The following ROBO1 variants were observed in gnomAD, a reference collection of about 807,000 sequenced individuals.
The protein encoded by ROBO1 is roundabout homolog 1.
In ROBO1, 149 loss-of-function variants were observed where a neutral mutation model predicts 195.9. That is an observed-to-expected ratio of 0.76 (90% CI 0.67 to 0.87). The LOEUF (loss-of-function observed/expected upper bound fraction) is 0.87. Ranked by LOEUF, ROBO1 falls within the 40% of genes least tolerant of loss-of-function variation. The probability of loss-of-function intolerance (pLI) is 0.00; values close to 1 mark genes in which losing one functional copy is unlikely to be tolerated. For missense variants in ROBO1, 1,933 were observed against 2,068.3 expected (o/e 0.93, Z 1.27); for synonymous variants, 816 against 733.2 (o/e 1.11, Z -1.82).
Position 78,758,463 on chromosome 3 carries a change from CTTCAG to C in ROBO1, c.500-11568_500-11564del, listed in dbSNP as rs2082999187. Reference sequence around the variant, plus strand: ...TGCTTGAGCCCAGAGGTCAAGAAGGCTTCAGTGAGCCATGGTCATGCCACTTCACT... The same window carrying C: ...TGCTTGAGCCCAGAGGTCAAGAAGGCTGAGCCATGGTCATGCCACTTCACT... On this transcript the variant is annotated intron_variant, in intron 4 of 30. Coordinates refer to ENST00000464233, the MANE Select transcript of ROBO1 (RefSeq NM_002941.4). Among the ~76,000 whole-genome samples the C allele has an allele frequency of 2.8e-5, 4 of 141,142 alleles. No individual in the cohort carries two copies. The Admixed American group carries it at 3.0e-4, about 11-fold the overall frequency. 92.6% of individuals were successfully genotyped at this position (141,142 alleles called of 152,430 possible).
intron 5 of ROBO1, among the ~76,000 whole-genome samples, chr3:78,729,552 C>T (rs2082241036): frequency 6.6e-6 from 1 of 152,090 alleles, no homozygotes; most frequent in African/African-American, 2.4e-5. Context: ...AAGCAATCAA[C>T]CAGGAAAGCC....
At chr3:79,277,578 A>G (rs2031146013) in intron 2 of ROBO1, among the ~76,000 whole-genome samples, 2 of 152,208 alleles carry the variant, frequency 1.3e-5, no homozygotes, top group Admixed American at 1.3e-4. Flanking sequence ...AAGTGACTTC[A>G]GTCAACAATA....
At chr3:78,885,601 G>A (rs2036513077) in intron 4 of ROBO1, among the ~76,000 whole-genome samples, 1 of 151,182 alleles carries the variant, frequency 6.6e-6, no homozygotes, top group Admixed American at 6.6e-5. Context: ...ATATATTTAT[G>A]TGCCAGGGAA....
chr3:79,348,357 A>C (rs1032377659), intron 2 of ROBO1, among the ~76,000 whole-genome samples: 1 of 152,166 alleles, frequency 6.6e-6, no homozygotes, highest in Non-Finnish European at 1.5e-5. Flanking sequence ...GATCATGGCC[A>C]AAGTTGATGG....
intron 2 of ROBO1, among the ~76,000 whole-genome samples, chr3:79,179,167 GAA>G (rs1426238113): frequency 6.6e-6 from 1 of 152,128 alleles, no homozygotes; most frequent in South Asian, 2.1e-4. Flanking sequence ...CATCCTCTTA[GAA>G]GCAGGAATAG....
intron 2 of ROBO1, among the ~76,000 whole-genome samples, chr3:79,311,321 T>C (rs1271525237): frequency 1.3e-5 from 2 of 152,194 alleles, no homozygotes; most frequent in Non-Finnish European, 2.9e-5. Context: ...TGAAGCAATA[T>C]TCTATATCAT....
chr3:79,479,724 CTTTAG>C (rs1166675257), intron 2 of ROBO1, among the ~76,000 whole-genome samples: 1 of 152,138 alleles, frequency 6.6e-6, no homozygotes, highest in Non-Finnish European at 1.5e-5. Context: ...ATTCCTATTA[CTTTAG>C]TTAACAGGAT....
In ROBO1 at chr3:79,539,785, C is replaced by T. The variant is rs548005140; in HGVS notation, c.88+50039G>A. Among the ~76,000 whole-genome samples, 5 of 152,082 alleles carry T rather than the reference C, an allele frequency of 3.3e-5. No homozygotes were observed. In the East Asian group the frequency reaches 9.7e-4, roughly 29 times the overall value. ...TCATGCTTAAGAAGAAGATAAAAATCCTCCATAACACATATGCCCAATCAT... is the reference window on the plus strand; with the variant it reads ...TCATGCTTAAGAAGAAGATAAAAATTCTCCATAACACATATGCCCAATCAT... On this transcript the variant is annotated intron_variant, in intron 2 of 30. Transcript: ENST00000464233.
At chr3:79,727,566 C>T (rs182555430) in intron 1 of ROBO1, among the ~76,000 whole-genome samples, 6 of 152,046 alleles carry the variant, frequency 3.9e-5, no homozygotes, top group African/African-American at 1.4e-4. Context: ...TGAATTGAAA[C>T]CATGAGTGTT....
At chr3:79,019,140 A>T in intron 3 of ROBO1, 1 of 986,128 alleles carries the variant, frequency 1.0e-6, no homozygotes, top group Non-Finnish European at 1.2e-6. Flanking sequence ...CAGCAGCAGG[A>T]CCGCGGACAC....
At chr3:79,616,562 T>C (rs1021724023) in intron 1 of ROBO1, among the ~76,000 whole-genome samples, 1 of 152,032 alleles carries the variant, frequency 6.6e-6, no homozygotes, top group Non-Finnish European at 1.5e-5. Flanking sequence ...GAGAGCCCCC[T>C]TTTTGTGACC....
chr3:78,705,206 TA>T (rs954518740), intron 8 of ROBO1, among the ~76,000 whole-genome samples: 4 of 152,224 alleles, frequency 2.6e-5, no homozygotes, highest in African/African-American at 9.6e-5. Context: ...TAATCAGCTA[TA>T]AAAAATGTCA....
chr3:78,681,786 C>G (rs1447482551), intron 10 of ROBO1, among the ~76,000 whole-genome samples: 3 of 152,118 alleles, frequency 2.0e-5, no homozygotes, highest in Non-Finnish European at 4.4e-5. Context: ...CCTGCAGTCC[C>G]AGCTACTCGA....
intron 3 of ROBO1, among the ~76,000 whole-genome samples, chr3:79,028,755 C>T (rs1460358238): frequency 6.6e-6 from 1 of 151,850 alleles, no homozygotes; most frequent in African/African-American, 2.4e-5. Context: ...AATATTAACA[C>T]CTAAATTTCC....
intron 1 of ROBO1, among the ~76,000 whole-genome samples, chr3:79,732,281 A>T (rs1029193214): frequency 2.6e-5 from 4 of 152,044 alleles, no homozygotes; most frequent in Admixed American, 6.5e-5. Context: ...ACAATATTTA[A>T]AATTTGAGAC....
chr3:78,931,135 T>A (rs1487498537), intron 4 of ROBO1, among the ~76,000 whole-genome samples: 1 of 151,464 alleles, frequency 6.6e-6, no homozygotes, highest in East Asian at 1.9e-4. Context: ...GAAGTTACTT[T>A]AAAAAAAAAT....
At chr3:79,171,413 C>CAAAAAAAAAAAAAAAAAAAAAAAA (rs34894151) in intron 2 of ROBO1, among the ~76,000 whole-genome samples, 1 of 65,852 alleles carries the variant, frequency 1.5e-5, no homozygotes, top group South Asian at 5.5e-4. Context: ...ATGAAAATTG[C>CAAAAAAAAAAAAAAAAAAAAAAAA]AAAAAAAAAA....
At chr3:78,943,883 C>G (rs2040272545) in intron 3 of ROBO1, among the ~76,000 whole-genome samples, 1 of 152,148 alleles carries the variant, frequency 6.6e-6, no homozygotes, top group South Asian at 2.1e-4. Flanking sequence ...GTATAACCTT[C>G]AGGAAAAAGA....
At chr3:78,773,965 A>C (rs895349738) in intron 4 of ROBO1, among the ~76,000 whole-genome samples, 10 of 152,218 alleles carry the variant, frequency 6.6e-5, no homozygotes, top group African/African-American at 2.4e-4. Flanking sequence ...TAAGGAGCTT[A>C]ATAGATACTT....
Sources: gnomAD v4.1 joint callset for allele counts (sites outside exome capture counted in the v4.1 genomes callset) on GRCh38, gnomAD v4.1.1 for gene constraint, MANE v1.5 for transcripts, NCBI Gene and HGNC (gene_info 2026-07-23, HGNC 2026-07-21) for gene names.